MTSS1: variants seen among roughly 807,000 people sequenced by gnomAD.
The protein encoded by MTSS1 is MTSS I-BAR domain containing 1.
A neutral mutation model predicts 79.0 loss-of-function variants in MTSS1; 18 were observed. The ratio of observed to expected loss-of-function variants is 0.23; its 90% CI spans 0.16 to 0.34. MTSS1 has a LOEUF of 0.34. Ranked by LOEUF, MTSS1 falls within the 10% of genes least tolerant of loss-of-function variation. The pLI is 1.00. For missense variants in MTSS1, 815 were observed against 986.2 expected, an observed-to-expected ratio of 0.83 and a Z score of 2.33; for synonymous variants, 341 against 368.6, an observed-to-expected ratio of 0.93 and a Z score of 0.86.
chr8:124,719,580 C>A lies in MTSS1; in HGVS notation c.72+8304G>T, dbSNP rs7825398. On this transcript the variant is annotated intron_variant, in intron 1 of 13. Transcript: ENST00000518547. ...TATACTGTCCACAGGTGTTCCTCCA[C>A]CCCCCAGCAGCACCTGACATGCAGT... Among the ~76,000 whole-genome samples the A allele has an allele frequency of 4.3e-3, 648 of 152,282 alleles. 8 individuals carry two copies. The highest frequency in any genetic ancestry group is 0.015 in the African/African-American group (625 of 41,542).
chr8:124,710,942 A>G (rs1230904567), intron 1 of MTSS1, among the ~76,000 whole-genome samples: 1 of 152,168 alleles, frequency 6.6e-6, no homozygotes, highest in African/African-American at 2.4e-5. Flanking sequence ...GGCTCTAGAG[A>G]GTGGGGTTCC....
rs1833872062 is a variant in MTSS1, at chr8:124,727,388, A to G, written c.72+496T>C. 6.6e-6 allele frequency among the ~76,000 whole-genome samples: 1 copy of G among 152,178 alleles called. No individual in the cohort carries two copies. Among genetic ancestry groups the G allele is most frequent in the South Asian group, 2.1e-4 (1 of 4,834 alleles). On this transcript the variant is annotated intron_variant, in intron 1 of 13. Transcript: ENST00000518547. The surrounding 1 kb of genome is among the most constrained non-coding windows in gnomAD (Gnocchi z 4.7). The stretch of plus-strand genomic sequence containing the variant: ...ATACCCCACTCCAAGTAGACCTGAC[A>G]GCCAAGGAGGGACTGGCTTTCCCTC...
chr8:124,591,128 C>T (rs778180210), intron 4 of MTSS1, 23 bp downstream of exon 4: 14 of 1,606,690 alleles, frequency 8.7e-6, no homozygotes, highest in East Asian at 2.2e-5. Flanking sequence ...TGTTGGCGAT[C>T]GGGGCCAAAA....
intron 3 of MTSS1, among the ~76,000 whole-genome samples, chr8:124,595,565 C>G (rs1018781426): frequency 6.6e-6 from 1 of 152,184 alleles, no homozygotes; most frequent in Non-Finnish European, 1.5e-5. Context: ...CTCTCTCCGC[C>G]TCCAATTTTC....
At position 124,553,471 on chromosome 8, in the gene MTSS1, G is replaced by T; in HGVS notation, c.1789C>A (p.Pro597Thr). Residue 597 changes from proline (P) to threonine (T), a missense_variant, in exon 14 of 14, where the codon CCT (proline) becomes ACT (threonine). Physicochemically the swap from Pro to Thr is conservative, Grantham distance 38. Coordinates refer to ENST00000518547, the MANE Select transcript of MTSS1 (RefSeq NM_014751.6). The surrounding 1 kb of genome is among the most constrained non-coding windows in gnomAD (Gnocchi z 6.0). ...ATIRRTPSTK[P>T]SVRRGTIGAG... ...CCAATGGTTCCCCGGCGGACAGAAG[G>T]CTTGGTGGAAGGGGTCCGTCGGATA... The T allele has an allele frequency of 1.2e-6, 2 of 1,610,718 alleles. No homozygotes were observed. The highest frequency in any genetic ancestry group is 8.5e-7 in the Non-Finnish European group (1 of 1,177,424).
At chr8:124,595,708 C>T (rs996567233) in intron 3 of MTSS1, among the ~76,000 whole-genome samples, 1 of 152,180 alleles carries the variant, frequency 6.6e-6, no homozygotes, top group South Asian at 2.1e-4. Context: ...CGTACAGTAA[C>T]ATTCACAGGT....
At position 124,557,850 on chromosome 8, in the gene MTSS1, C is replaced by G; in HGVS notation, c.1061G>C (p.Ser354Thr). Reference protein sequence around the residue: ...NQLSNGFSHYSLSSESHVGPT... With the variant: ...NQLSNGFSHYTLSSESHVGPT... Reference sequence around the variant, plus strand: ...CCCCACGTGGGACTCACTTGATAAACTATAGTGAGAAAACCCGTTAGACAA... The same window carrying G: ...CCCCACGTGGGACTCACTTGATAAAGTATAGTGAGAAAACCCGTTAGACAA... Residue 354 changes from serine to threonine, a missense_variant, in exon 11 of 14, where the codon AGT becomes ACT. Ser to Thr is a moderately conservative substitution (Grantham distance 58). This residue lies in a region of MTSS1 where 590 missense variants were observed against 620.8 expected (regional missense o/e 0.95). Transcript: ENST00000518547. The G allele has an allele frequency of 6.3e-7, 1 of 1,589,676 alleles. No homozygotes were observed. Among genetic ancestry groups the G allele is most frequent in the Non-Finnish European group, 8.6e-7 (1 of 1,168,354 alleles).
chr8:124,588,687 A>C (rs1312687288), intron 5 of MTSS1, among the ~76,000 whole-genome samples: 2 of 152,208 alleles, frequency 1.3e-5, no homozygotes, highest in Non-Finnish European at 2.9e-5. Flanking sequence ...AATGTTTGGC[A>C]TTTAAACCTG....
At chr8:124,636,394 G>C (rs962844685) in intron 3 of MTSS1, among the ~76,000 whole-genome samples, 10 of 152,300 alleles carry the variant, frequency 6.6e-5, no homozygotes, top group Middle Eastern at 3.4e-3. Context: ...GCCTCCCAAA[G>C]TGCTGGGATT....
intron 3 of MTSS1, among the ~76,000 whole-genome samples, chr8:124,598,498 G>A (rs375830064): frequency 1.3e-5 from 2 of 152,146 alleles, no homozygotes; most frequent in African/African-American, 4.8e-5. Context: ...AGGGCTCACT[G>A]TTTCCAGTGC....
At chr8:124,618,481 T>A (rs1812837007) in intron 3 of MTSS1, among the ~76,000 whole-genome samples, 1 of 152,264 alleles carries the variant, frequency 6.6e-6, no homozygotes, top group South Asian at 2.1e-4. Context: ...TTTTTCATTT[T>A]TAATCTGCAG....
intron 3 of MTSS1, among the ~76,000 whole-genome samples, chr8:124,689,539 A>C (rs112534827): frequency 0.03 from 4,546 of 152,056 alleles, 217 homozygotes; most frequent in African/African-American, 0.1. Flanking sequence ...TGAGGTCGGG[A>C]GTTTGAGACC....
At chr8:124,565,304 T>A (rs1826151617) in intron 9 of MTSS1, among the ~76,000 whole-genome samples, 1 of 152,214 alleles carries the variant, frequency 6.6e-6, no homozygotes, top group African/African-American at 2.4e-5. Flanking sequence ...AACAGTGAGA[T>A]CAGCCTGTGT....
intron 3 of MTSS1, among the ~76,000 whole-genome samples, chr8:124,604,850 A>C (rs1177795843): frequency 1.4e-3 from 1 of 700 alleles, no homozygotes. Context: ...TTCAAAAAGC[A>C]GAGGAAACAA....
At chr8:124,570,102 A>T (rs557354141) in intron 6 of MTSS1, among the ~76,000 whole-genome samples, 20 of 152,372 alleles carry the variant, frequency 1.3e-4, no homozygotes, top group African/African-American at 4.6e-4. Flanking sequence ...AGCAAGAGGC[A>T]ATCAGGCTTA....
At chr8:124,642,262 A>G (rs926512796) in intron 3 of MTSS1, among the ~76,000 whole-genome samples, 3 of 152,234 alleles carry the variant, frequency 2.0e-5, no homozygotes, top group Non-Finnish European at 4.4e-5. Context: ...CGAATCAATC[A>G]GCAGATAAAG....
At position 124,553,339 on chromosome 8, in the gene MTSS1, C is replaced by T. The variant is rs759068558; in HGVS notation, c.1921G>A (p.Gly641Arg). Residue 641 changes from glycine to arginine, a missense_variant, in exon 14 of 14, where the codon GGG becomes AGG. Gly to Arg is a moderately radical substitution (Grantham distance 125, BLOSUM62 -2). Coordinates refer to ENST00000518547, the MANE Select transcript of MTSS1 (RefSeq NM_014751.6). The surrounding 1 kb of genome is among the most constrained non-coding windows in gnomAD (Gnocchi z 6.0). The part of the protein sequence containing the change: ...PAPPDGPEER[G>R]EHSPESPSVG... Reference sequence around the variant, plus strand: ...GATGGCGACTCAGGGCTGTGCTCCCCCCGCTCTTCTGGCCCATCTGGAGGG... The same window carrying T: ...GATGGCGACTCAGGGCTGTGCTCCCTCCGCTCTTCTGGCCCATCTGGAGGG... 32 of 1,613,472 alleles carry T rather than the reference C, an allele frequency of 2.0e-5. No individual in the cohort carries two copies. The East Asian group carries it at 6.5e-4, about 33-fold the overall frequency.
intron 1 of MTSS1, among the ~76,000 whole-genome samples, chr8:124,723,725 C>T (rs570903415): frequency 2.6e-5 from 4 of 152,146 alleles, no homozygotes; most frequent in Non-Finnish European, 4.4e-5. Context: ...AGCTGTAAAA[C>T]CCTGGCCAAA....
In MTSS1 at chr8:124,562,160, C is replaced by T. The variant is rs7839405; in HGVS notation, c.1035+622G>A. 9.4e-3 allele frequency among the ~76,000 whole-genome samples: 1,434 copies of T among 152,262 alleles called. 26 individuals are homozygous for T. The highest frequency in any genetic ancestry group is 0.033 in the African/African-American group (1,373 of 41,554). ...ATGAAGAGTGTTCAGATGCCCTGGC[C>T]AGCTCCTGCGTTCTGCTCCAGCTGG... On this transcript the variant is annotated intron_variant, in intron 10 of 13. Transcript: ENST00000518547.
Sources: allele counts gnomAD v4.1 joint callset (sites outside exome capture counted in the v4.1 genomes callset), GRCh38; gene constraint gnomAD v4.1.1; regional missense constraint gnomAD v4.1.1; non-coding constraint Gnocchi (gnomAD v3.1); transcripts MANE v1.5; gene names NCBI Gene and HGNC (gene_info 2026-07-23, HGNC 2026-07-21).